CHLSN: variants seen among roughly 807,000 people sequenced by gnomAD.
CHLSN encodes protein cholesin.
the CHLSN span, chr7:1,028,521 C>T: frequency 5.1e-6 from 5 of 985,004 alleles, no homozygotes; most frequent in African/African-American, 3.5e-5. Context: ...CCTGCTGCAG[C>T]CCCCACTGCT....
the CHLSN span, among the ~76,000 whole-genome samples, chr7:1,032,356 A>C: frequency 2.0e-5 from 3 of 152,232 alleles, no homozygotes; most frequent in Non-Finnish European, 4.4e-5. Flanking sequence ...CTGTCTGCCA[A>C]ATCACTTTCG....
the CHLSN span, among the ~76,000 whole-genome samples, chr7:1,029,268 C>T: frequency 6.6e-6 from 1 of 152,190 alleles, no homozygotes; most frequent in African/African-American, 2.4e-5. Context: ...GCTGGGACCA[C>T]AGGAGTGCAC....
the CHLSN span, among the ~76,000 whole-genome samples, chr7:1,112,771 C>G: frequency 6.6e-6 from 1 of 151,954 alleles, no homozygotes; most frequent in Non-Finnish European, 1.5e-5. Context: ...GGTCCGGCCT[C>G]AGCTGTGCTT....
chr7:979,513 T>A, the CHLSN span, among the ~76,000 whole-genome samples: 7 of 151,950 alleles, frequency 4.6e-5, no homozygotes, highest in East Asian at 1.9e-4. Context: ...GCACTTTGGG[T>A]GGCCACGGTG....
At chr7:1,136,287 AATAT>A in the CHLSN span, among the ~76,000 whole-genome samples, 3 of 118,880 alleles carry the variant, frequency 2.5e-5, no homozygotes, top group African/African-American at 3.4e-5. Context: ...AATATATATA[AATAT>A]ATATAAACAT....
At chr7:1,013,805 C>T in the CHLSN span, among the ~76,000 whole-genome samples, 1 of 152,316 alleles carries the variant, frequency 6.6e-6, no homozygotes, top group East Asian at 1.9e-4. Context: ...CTAGGACAGT[C>T]TTCAGCATTT....
the CHLSN span, among the ~76,000 whole-genome samples, chr7:1,059,786 G>A: frequency 9.1e-4 from 37 of 40,710 alleles, no homozygotes; most frequent in African/African-American, 1.1e-3. Context: ...GTAATGAGGC[G>A]GGTCTTAGGC....
the CHLSN span, chr7:1,010,218 G>T: frequency 1.4e-6 from 2 of 1,390,748 alleles, no homozygotes; most frequent in African/African-American, 1.4e-5. Flanking sequence ...GGGGCTTCCC[G>T]AGCCCACCCT....
At chr7:1,011,520 C>A in the CHLSN span, among the ~76,000 whole-genome samples, 1 of 150,002 alleles carries the variant, frequency 6.7e-6, no homozygotes, top group Non-Finnish European at 1.5e-5. Context: ...CACACCCACA[C>A]CCAGACACCT....
chr7:1,074,256 G>A, the CHLSN span, among the ~76,000 whole-genome samples: 1 of 30,252 alleles, frequency 3.3e-5, no homozygotes, highest in Non-Finnish European at 6.1e-5. Context: ...CCCGCACCCC[G>A]CTGCCGTGAC....
At chr7:995,002 C>T in the CHLSN span, among the ~76,000 whole-genome samples, 6 of 152,196 alleles carry the variant, frequency 3.9e-5, no homozygotes, top group South Asian at 4.1e-4. Flanking sequence ...GAGGGACAGA[C>T]GTGAGGGACG....
chr7:999,959 C>T, the CHLSN span, among the ~76,000 whole-genome samples: 7 of 152,262 alleles, frequency 4.6e-5, no homozygotes, highest in Admixed American at 2.6e-4. Context: ...GCTGCCCACA[C>T]GTACATGTGT....
the CHLSN span, chr7:984,701 C>T: frequency 7.4e-7 from 1 of 1,357,898 alleles, no homozygotes; most frequent in Non-Finnish European, 9.9e-7. Flanking sequence ...AGGAGCTGGG[C>T]CTCCGGGCTG....
the CHLSN span, among the ~76,000 whole-genome samples, chr7:993,447 G>A: frequency 5.1e-4 from 78 of 152,280 alleles, no homozygotes; most frequent in African/African-American, 1.7e-3. Context: ...AGCGGACAGC[G>A]CCGGCCCGGG....
At chr7:1,070,846 G>A in the CHLSN span, among the ~76,000 whole-genome samples, 12 of 123,860 alleles carry the variant, frequency 9.7e-5, no homozygotes, top group Non-Finnish European at 2.0e-4. Flanking sequence ...CACAACGCGT[G>A]CACACGGACA....
At chr7:989,208 TG>T in the CHLSN span, 1 of 238,484 alleles carries the variant, frequency 4.2e-6, no homozygotes, top group South Asian at 1.4e-4. Flanking sequence ...CAGGCGCAGG[TG>T]GGTGTCCTCA....
the CHLSN span, chr7:1,076,306 AG>A: frequency 6.2e-6 from 1 of 162,488 alleles, no homozygotes; most frequent in Non-Finnish European, 1.3e-5. Flanking sequence ...GAGGCAGGCC[AG>A]GGAGGAGCAC....
At chr7:1,109,826 G>A in the CHLSN span, among the ~76,000 whole-genome samples, 2 of 152,162 alleles carry the variant, frequency 1.3e-5, no homozygotes, top group African/African-American at 2.4e-5. Flanking sequence ...GGCGCCACGG[G>A]TGACTTTCGG....
the CHLSN span, chr7:1,058,607 C>T: frequency 7.8e-6 from 5 of 641,030 alleles, no homozygotes; most frequent in East Asian, 5.2e-5. Context: ...CAGAAGGAGA[C>T]GAGCTGCTGG....
Sources: allele counts gnomAD v4.1 joint callset (sites outside exome capture counted in the v4.1 genomes callset), GRCh38; gene constraint gnomAD v4.1.1; transcripts MANE v1.5; gene names NCBI Gene and HGNC (gene_info 2026-07-23, HGNC 2026-07-21).